SLC4A4: variants seen among roughly 807,000 people sequenced by gnomAD.
SLC4A4 encodes the protein electrogenic sodium bicarbonate cotransporter 1.
Under a neutral mutation model 111.5 loss-of-function variants are expected in SLC4A4, and 27 were observed. That is an observed-to-expected ratio of 0.24 (90% CI 0.18 to 0.33). SLC4A4 has a LOEUF of 0.33. Among genes scored for constraint, SLC4A4 ranks in the 10% least tolerant of loss-of-function variants. SLC4A4 has a pLI of 1.00. For synonymous variants in SLC4A4, 443 were observed against 463.4 expected (o/e 0.96, Z 0.57); for missense variants, 909 against 1,315.5 (o/e 0.69, Z 4.78).
intron 2 of SLC4A4, among the ~76,000 whole-genome samples, chr4:71,124,096 C>T (rs1350878238): frequency 1.3e-5 from 2 of 151,806 alleles, no homozygotes; most frequent in Admixed American, 6.6e-5. Flanking sequence ...TCCCAAGGGA[C>T]ACACAGACAG....
rs560335400 is a variant in SLC4A4 at position 71,208,010 on chromosome 4, T to A, written c.-2+20609T>A. Among the ~76,000 whole-genome samples, 4 of 152,322 alleles carry A rather than the reference T, an allele frequency of 2.6e-5. No homozygotes were observed. The South Asian group carries it at 8.3e-4, about 32-fold the overall frequency. On this transcript the variant is annotated intron_variant, in intron 1 of 25. Transcript: ENST00000264485. ...GTTTTTATAGAGACAGGGTCTTGCT[T>A]GTTGCCCAGGCTGGTCTCAAACTTC...
chr4:71,453,664 A>G lies in SLC4A4; in HGVS notation c.1492A>G (p.Met498Val). ...ACTGCTTGGGGATGCCACTGACAACATGCAGGTGGGTATGGTTTTGAGGAG... is the reference window on the plus strand; with the variant it reads ...ACTGCTTGGGGATGCCACTGACAACGTGCAGGTGGGTATGGTTTTGAGGAG... ...GGLLGDATDNMQGVLESFLGT... is the reference protein window; with the variant it reads ...GGLLGDATDNVQGVLESFLGT... The change falls in exon 12 of 26, where the codon ATG becomes GTG. Residue 498 changes from methionine to valine, a missense_variant. Physicochemically the swap from Met to Val is conservative, Grantham distance 21. Around this residue, in one of 7 missense-constraint regions of SLC4A4, gnomAD observed 23 missense variants for 77.7 expected, o/e 0.30. Coordinates refer to ENST00000264485, the MANE Select transcript of SLC4A4 (RefSeq NM_001098484.3). The G allele has an allele frequency of 1.2e-6, 2 of 1,613,872 alleles. No homozygotes were observed. The highest frequency in any genetic ancestry group is 1.1e-5 in the South Asian group (1 of 91,082).
intron 11 of SLC4A4, among the ~76,000 whole-genome samples, chr4:71,452,227 T>C (rs1338445833): frequency 1.3e-5 from 2 of 152,204 alleles, no homozygotes; most frequent in South Asian, 2.1e-4. Context: ...TATTCCTCTG[T>C]CCTTTATTCT....
intron 2 of SLC4A4, among the ~76,000 whole-genome samples, chr4:71,128,300 A>G (rs551878655): frequency 2.3e-4 from 35 of 152,168 alleles, no homozygotes; most frequent in African/African-American, 7.9e-4. Context: ...ATCTCGTCAG[A>G]TCTCGTGAGA....
chr4:71,493,372 TAA>T (rs1319326327), intron 15 of SLC4A4, among the ~76,000 whole-genome samples: 2 of 152,000 alleles, frequency 1.3e-5, no homozygotes, highest in Non-Finnish European at 2.9e-5. Flanking sequence ...GTCCTCCAGA[TAA>T]AAAGAGTAGA....
chr4:71,352,034 C>T (rs1217366088), intron 5 of SLC4A4, among the ~76,000 whole-genome samples: 1 of 152,076 alleles, frequency 6.6e-6, no homozygotes, highest in East Asian at 1.9e-4. Flanking sequence ...GATCGGAACC[C>T]ATCTACAAAA....
chr4:71,275,120 C>T (rs141153508), intron 3 of SLC4A4, among the ~76,000 whole-genome samples: 1 of 152,058 alleles, frequency 6.6e-6, no homozygotes, highest in Non-Finnish European at 1.5e-5. Context: ...TTAAAAAATT[C>T]TTTCACTGCC....
At chr4:71,483,462 ATGGCC>A (rs1729076238) in intron 14 of SLC4A4, among the ~76,000 whole-genome samples, 2 of 151,892 alleles carry the variant, frequency 1.3e-5, no homozygotes, top group Admixed American at 1.3e-4. Context: ...GCTAAGGATA[ATGGCC>A]TCCAGTTCCA....
intron 6 of SLC4A4, among the ~76,000 whole-genome samples, chr4:71,368,117 C>T (rs1731494926): frequency 3.3e-5 from 5 of 152,058 alleles, no homozygotes; most frequent in Non-Finnish European, 5.9e-5. Flanking sequence ...ATAATTATGC[C>T]GTCTCTATTT....
Position 71,354,754 on chromosome 4 carries a change from G to C in SLC4A4, c.551-2254G>C, listed in dbSNP as rs554674933. ...TGACATGGGGAAAGATCTAAACTTAGAGTCAGAAAACCTGGTTTTATATGG... is the reference window on the plus strand; with the variant it reads ...TGACATGGGGAAAGATCTAAACTTACAGTCAGAAAACCTGGTTTTATATGG... On this transcript the variant is annotated intron_variant, in intron 5 of 25. Coordinates refer to ENST00000264485, the MANE Select transcript of SLC4A4 (RefSeq NM_001098484.3). Among the ~76,000 whole-genome samples, 10 of 152,218 alleles carry C rather than the reference G, an allele frequency of 6.6e-5. No homozygotes were observed. In the South Asian group the frequency reaches 2.1e-3, roughly 32 times the overall value.
rs138059694 is a variant in SLC4A4, at chr4:71,068,061, C to CTTTTTTTTTTTTTTTTTTTTTTTTTT, written c.-65+5273_-65+5274insTTTTTTTTTTTTTTTTTTTTTTTTTT. ...ACTGCATATGGCCTTTTTGAACAAA[C>CTTTTTTTTTTTTTTTTTTTTTTTTTT]GTTTTTTTTTTTTTTTTTTTGAGAT... On this transcript the variant is annotated intron_variant, in intron 1 of 26. Coordinates refer to the SLC4A4 transcript ENST00000649996. 1.5e-5 allele frequency among the ~76,000 whole-genome samples: 2 copies of CTTTTTTTTTTTTTTTTTTTTTTTTTT among 132,374 alleles called. 1 individual carries two copies. 86.8% of individuals were successfully genotyped at this position (132,374 alleles called of 152,430 possible).
At chr4:71,406,022 G>A (rs1206564415) in intron 7 of SLC4A4, among the ~76,000 whole-genome samples, 1 of 151,264 alleles carries the variant, frequency 6.6e-6, no homozygotes, top group Admixed American at 6.6e-5. Flanking sequence ...GAATTTCCTT[G>A]GCAACCAAAA....
rs534736094 is a variant in SLC4A4, at chr4:71,287,803, C to T, written c.253+32404C>T. 5.3e-5 allele frequency among the ~76,000 whole-genome samples: 8 copies of T among 152,218 alleles called. No homozygotes were observed. In the South Asian group the frequency reaches 1.7e-3, roughly 32 times the overall value. The stretch of plus-strand genomic sequence containing the variant: ...TAACAAAATGTTAATTCATTTTCCC[C>T]TGAAGCTGACTCTGGACTAGAAGTC... On this transcript the variant is annotated intron_variant, in intron 3 of 25. Coordinates refer to ENST00000264485, the MANE Select transcript of SLC4A4 (RefSeq NM_001098484.3).
At chr4:71,281,185 A>T (rs1337563515) in intron 3 of SLC4A4, among the ~76,000 whole-genome samples, 1 of 152,204 alleles carries the variant, frequency 6.6e-6, no homozygotes, top group Non-Finnish European at 1.5e-5. Context: ...ATGGATGCTC[A>T]TCACAAAGCA....
chr4:71,507,906 A>G (rs567186290), intron 16 of SLC4A4, among the ~76,000 whole-genome samples: 2 of 152,334 alleles, frequency 1.3e-5, no homozygotes, highest in South Asian at 4.1e-4. Flanking sequence ...ACCACAGTGT[A>G]ATCAAATTAG....
At chr4:71,106,271 C>G (rs962211737) in intron 2 of SLC4A4, among the ~76,000 whole-genome samples, 15 of 149,278 alleles carry the variant, frequency 1.0e-4, no homozygotes, top group African/African-American at 3.5e-4. Flanking sequence ...AGTCAGGAAA[C>G]AACAGGTGCT....
intron 3 of SLC4A4, among the ~76,000 whole-genome samples, chr4:71,305,367 A>G (rs1725597466): frequency 6.6e-6 from 1 of 152,192 alleles, no homozygotes; most frequent in African/African-American, 2.4e-5. Context: ...GTTCCATTCT[A>G]AAGATTCAAT....
intron 8 of SLC4A4, among the ~76,000 whole-genome samples, chr4:71,443,116 CTATATATATATATATATATA>C (rs1168996571): frequency 1.5e-5 from 1 of 65,658 alleles, no homozygotes; most frequent in African/African-American, 8.7e-5. Context: ...CTCTCTCTCT[CTATATATATATATATATATA>C]TATATATATA....
At chr4:71,131,611 A>C (rs936399143) in intron 2 of SLC4A4, among the ~76,000 whole-genome samples, 20 of 152,360 alleles carry the variant, frequency 1.3e-4, no homozygotes, top group Middle Eastern at 3.4e-3. Context: ...TCTGCACTTT[A>C]GAGAATGAAA....
Sources: gnomAD v4.1 joint callset for allele counts (sites outside exome capture counted in the v4.1 genomes callset) on GRCh38, gnomAD v4.1.1 for gene constraint, gnomAD v4.1.1 regional missense constraint, MANE v1.5 for transcripts, NCBI Gene and HGNC (gene_info 2026-07-23, HGNC 2026-07-21) for gene names.